Variants in DAGLB observed in about 807,000 individuals in gnomAD.
DAGLB encodes the protein diacylglycerol lipase beta.
Under a neutral mutation model 72.1 loss-of-function variants are expected in DAGLB, and 66 were observed. The ratio of observed to expected loss-of-function variants is 0.92; its 90% CI spans 0.75 to 1.12. DAGLB has a LOEUF of 1.12. Among genes scored for constraint, DAGLB ranks in the 50% most tolerant of loss-of-function variants. The pLI is 0.00. For missense variants in DAGLB, 1,065 were observed against 884.9 expected (o/e 1.20, Z -2.58); for synonymous variants, 414 against 359.5 (o/e 1.15, Z -1.71).
intron 2 of DAGLB, among the ~76,000 whole-genome samples, chr7:6,437,901 C>G (rs960582750): frequency 6.6e-6 from 1 of 152,144 alleles, no homozygotes; most frequent in African/African-American, 2.4e-5. Flanking sequence ...CTTTGCCTCG[C>G]AAAGTGCTGG....
At position 6,447,700 on chromosome 7, in the gene DAGLB, C is replaced by G. The variant is rs1220808179; in HGVS notation, c.95+48G>C. 4 of 1,585,546 alleles carry G rather than the reference C, an allele frequency of 2.5e-6. No individual in the cohort carries two copies. The South Asian group carries it at 4.5e-5, about 18-fold the overall frequency. On this transcript the variant is annotated intron_variant, in intron 1 of 14. Coordinates refer to ENST00000297056, the MANE Select transcript of DAGLB (RefSeq NM_139179.4). ...CCGTCTCAAGGGACAGCTCGCCCCC[C>G]GCTCCCTCTCCGGTGGGCTCCACCG...
In DAGLB at chr7:6,432,924, G is replaced by A; in HGVS notation, c.714C>T (p.Gly238=). The A allele has an allele frequency of 6.2e-7, 1 of 1,612,746 alleles. No individual in the cohort carries two copies. The highest frequency in any genetic ancestry group is 1.1e-5 in the South Asian group (1 of 91,042). The part of the protein sequence containing the change: ...TDLVPSDIAA[G]LALLHQQQDN... ...CCTGTTGCTGATGAAGCAGGGCGAG[G>A]CCCGCCGCAATGTCGCTGGGCACCA... is the stretch of plus-strand genomic sequence containing the variant. Residue 238 remains glycine (G), a synonymous_variant, in exon 5 of 15, where the codon GGC becomes GGT. Transcript: ENST00000297056.
At chr7:6,419,418 C>A (rs1276589477) in intron 9 of DAGLB, among the ~76,000 whole-genome samples, 1 of 152,172 alleles carries the variant, frequency 6.6e-6, no homozygotes, top group Non-Finnish European at 1.5e-5. Context: ...GCAGGCAGAG[C>A]CCAGCAGGAC....
At position 6,430,328 on chromosome 7, in the gene DAGLB, C is replaced by T. The variant is rs184915831; in HGVS notation, c.929+152G>A. ...GAGAGAGAGAGAGAGAGAGATACAG[C>T]GCATGTGACCAGATGAGTCACAGCT... On this transcript the variant is annotated intron_variant, in intron 6 of 14. Transcript: ENST00000297056. 15 of 731,826 alleles carry T rather than the reference C, an allele frequency of 2.0e-5. No individual in the cohort carries two copies. The Admixed American group carries it at 2.5e-4, about 12-fold the overall frequency. The allele number at this position is 731,826 out of a possible 1,614,324, so 45.3% of individuals were successfully genotyped here.
At chr7:6,432,700 G>T in intron 5 of DAGLB, 137 bp downstream of exon 5, 1 of 1,069,780 alleles carries the variant, frequency 9.3e-7, no homozygotes, top group Non-Finnish European at 1.2e-6. Flanking sequence ...GAGGGAAGGG[G>T]AGGAGGGGGA....
chr7:6,411,744 C>A (rs1039454272), intron 13 of DAGLB, among the ~76,000 whole-genome samples: 3 of 152,158 alleles, frequency 2.0e-5, no homozygotes, highest in African/African-American at 7.2e-5. Context: ...AAGTAAAAAT[C>A]ATCTCTACCG....
rs537908568 is a variant in DAGLB at position 6,412,991 on chromosome 7, C to T, written c.1471G>A (p.Val491Ile). The change falls in exon 12 of 15, where the codon GTC becomes ATC. Residue 491 changes from valine to isoleucine, a missense_variant. By Grantham distance (29) the Val-to-Ile change is conservative. Transcript: ENST00000297056. The stretch of plus-strand genomic sequence containing the variant: ...CTGGGAATCACATCCTTCCCCAGGA[C>T]GAGTGACACGATGAAGCTCTGAGAA... ...EYSQSFIVSLVLGKDVIPRLS... is the reference protein window; with the variant it reads ...EYSQSFIVSLILGKDVIPRLS... 5.5e-5 allele frequency: 88 copies of T among 1,613,930 alleles called. No homozygotes were observed. The highest frequency in any genetic ancestry group is 4.2e-4 in the East Asian group (19 of 44,866).
At chr7:6,414,995 C>A (rs1430391583) in intron 11 of DAGLB, among the ~76,000 whole-genome samples, 3 of 151,866 alleles carry the variant, frequency 2.0e-5, no homozygotes, top group African/African-American at 7.3e-5. Context: ...ATAGCAAGAC[C>A]CTGTTCCTTA....
At chr7:6,425,233 C>T (rs1784267279) in intron 7 of DAGLB, among the ~76,000 whole-genome samples, 1 of 152,162 alleles carries the variant, frequency 6.6e-6, no homozygotes, top group African/African-American at 2.4e-5. Context: ...CCTGGAGAGA[C>T]AGCGAGCGAC....
At chr7:6,412,477 T>A (rs75701518) in intron 13 of DAGLB, 5 of 242,166 alleles carry the variant, frequency 2.1e-5, no homozygotes, top group Admixed American at 2.0e-4. Flanking sequence ...TTTTTTTTTT[T>A]AGAATAGAGA....
rs1783767971 is a variant in DAGLB at position 6,412,686 on chromosome 7, AAGG to A, written c.1569+122_1569+124del. The A allele has an allele frequency of 1.0e-5, 11 of 1,083,910 alleles. No individual in the cohort carries two copies. The Admixed American group carries it at 1.7e-4, about 16-fold the overall frequency. 67.1% of individuals were successfully genotyped at this position (1,083,910 alleles called of 1,614,324 possible). On this transcript the variant is annotated intron_variant, in intron 13 of 14. Transcript: ENST00000297056. ...AGCCCAGAATCTGATCAGATGGTGG[AAGG>A]AGAACTTCCAGCAACAGCATAGAGT... is the stretch of plus-strand genomic sequence containing the variant.
rs1784250300 is a variant in DAGLB, at chr7:6,424,797, C to A, written c.1095G>T (p.Arg365Ser). 1.2e-6 allele frequency: 2 copies of A among 1,613,938 alleles called. No homozygotes were observed. The highest frequency in any genetic ancestry group is 1.3e-5 in the African/African-American group (1 of 75,044). ...TCACAGCGACCACAACAGACTCTTTCCTGTGATCCAGAGCCACTAAAAACG... is the reference window on the plus strand; with the variant it reads ...TCACAGCGACCACAACAGACTCTTTACTGTGATCCAGAGCCACTAAAAACG... ...ELPFLVALDH[R>S]KESVVVAVRG... The change falls in exon 8 of 15, where the codon AGG becomes AGT. Residue 365 changes from arginine to serine, a missense_variant. Arg to Ser is a moderately radical substitution (Grantham distance 110). Coordinates refer to ENST00000297056, the MANE Select transcript of DAGLB (RefSeq NM_139179.4).
At chr7:6,437,681 C>T (rs1784708452) in intron 2 of DAGLB, among the ~76,000 whole-genome samples, 1 of 152,158 alleles carries the variant, frequency 6.6e-6, no homozygotes, top group Admixed American at 6.6e-5. Flanking sequence ...TGGAGTCTCA[C>T]TCTGTCGCCC....
chr7:6,429,891 A>C (rs2115271950), intron 6 of DAGLB, among the ~76,000 whole-genome samples: 1 of 152,096 alleles, frequency 6.6e-6, no homozygotes, highest in South Asian at 2.1e-4. Flanking sequence ...AAAAATACAA[A>C]AAATTAGCCA....
chr7:6,431,946 A>AG (rs2115276054), intron 5 of DAGLB, among the ~76,000 whole-genome samples: 1 of 152,284 alleles, frequency 6.6e-6, no homozygotes, highest in African/African-American at 2.4e-5. Context: ...GTAGGGTCCT[A>AG]GGCTTAGTAC....
chr7:6,410,084 C>T (rs954203348), intron 14 of DAGLB, 46 bp downstream of exon 14: 2 of 1,586,246 alleles, frequency 1.3e-6, no homozygotes, highest in Admixed American at 1.7e-5. Context: ...AGGGCTGACC[C>T]CGCGCTGCTC....
chr7:6,421,774 C>T lies in DAGLB; in HGVS notation c.1171G>A (p.Glu391Lys). 5 of 1,613,392 alleles carry T rather than the reference C, an allele frequency of 3.1e-6. No homozygotes were observed. The highest frequency in any genetic ancestry group is 4.2e-6 in the Non-Finnish European group (5 of 1,179,666). ...ACCTCACACTCCACGTCCAGCACCTCACTCTCCGCTGACAGGTCCGTAAGG... is the reference window on the plus strand; with the variant it reads ...ACCTCACACTCCACGTCCAGCACCTTACTCTCCGCTGACAGGTCCGTAAGG... ...DVLTDLSAES[E>K]VLDVECEVQD... Residue 391 changes from glutamate to lysine, a missense_variant, in exon 9 of 15, where the codon GAG (glutamate) becomes AAG (lysine). Glu to Lys is a moderately conservative substitution (Grantham distance 56). Coordinates refer to ENST00000297056, the MANE Select transcript of DAGLB (RefSeq NM_139179.4).
At chr7:6,423,003 C>T (rs528547655) in intron 8 of DAGLB, among the ~76,000 whole-genome samples, 1 of 152,300 alleles carries the variant, frequency 6.6e-6, no homozygotes, top group African/African-American at 2.4e-5. Context: ...GTGGACAGGA[C>T]AATGGACAGA....
chr7:6,418,757 C>A (rs1032119267), intron 9 of DAGLB, among the ~76,000 whole-genome samples: 1 of 152,044 alleles, frequency 6.6e-6, no homozygotes, highest in Admixed American at 6.6e-5. Context: ...CTCCACCTCC[C>A]GGGTTCACGC....
Sources: allele counts gnomAD v4.1 joint callset (sites outside exome capture counted in the v4.1 genomes callset), GRCh38; gene constraint gnomAD v4.1.1; transcripts MANE v1.5; gene names NCBI Gene and HGNC (gene_info 2026-07-23, HGNC 2026-07-21).